Variants in NCEH1 observed in about 807,000 individuals in gnomAD.
NCEH1 encodes neutral cholesterol ester hydrolase 1.
A neutral mutation model predicts 25.4 loss-of-function variants in NCEH1; 9 were observed. The observed-to-expected ratio is 0.35, with a 90% CI of 0.21 to 0.62. NCEH1 has a LOEUF of 0.62. Among genes scored for constraint, NCEH1 ranks in the 20% least tolerant of loss-of-function variants. The pLI, the probability that NCEH1 is intolerant of heterozygous loss-of-function variation, is 0.72. For synonymous variants in NCEH1, 200 were observed against 199.8 expected (o/e 1.00, Z -0.01); for missense variants, 412 against 501.1 (o/e 0.82, Z 1.70).
intron 2 of NCEH1, among the ~76,000 whole-genome samples, chr3:172,647,561 A>G (rs1345868954): frequency 6.6e-6 from 1 of 152,254 alleles, no homozygotes; most frequent in Non-Finnish European, 1.5e-5. Context: ...AGAAAGCTGT[A>G]TCAGCACTGC....
intron 1 of NCEH1, among the ~76,000 whole-genome samples, chr3:172,680,387 G>GA (rs1252668200): frequency 6.6e-6 from 1 of 152,126 alleles, no homozygotes; most frequent in Non-Finnish European, 1.5e-5. Flanking sequence ...CCACCTCTGT[G>GA]AAGCCCCCCT....
At chr3:172,662,187 A>C (rs1332666104) in intron 1 of NCEH1, among the ~76,000 whole-genome samples, 1 of 152,152 alleles carries the variant, frequency 6.6e-6, no homozygotes, top group East Asian at 1.9e-4. Flanking sequence ...AAGGCTGTTG[A>C]ATTTTGTCAA....
chr3:172,708,088 C>T (rs1714106624), intron 1 of NCEH1, among the ~76,000 whole-genome samples: 1 of 151,980 alleles, frequency 6.6e-6, no homozygotes. Context: ...TATGGGGAAC[C>T]CCAAGGAAAA....
intron 1 of NCEH1, among the ~76,000 whole-genome samples, chr3:172,650,541 T>C (rs1577060100): frequency 1.3e-5 from 2 of 148,866 alleles, no homozygotes; most frequent in African/African-American, 2.5e-5. Context: ...CCCAGCTACT[T>C]GGGAGGCTGA....
In NCEH1 at chr3:172,630,526, AGCT is replaced by A. The variant is rs1431036742; in HGVS notation, c.*2946_*2948del. ...TGAACCACCTCTCTAAAGGAAAGAC[AGCT>A]GGAGTACTCCACTGGGCAGAAGATT... is the stretch of plus-strand genomic sequence containing the variant. On this transcript the variant is annotated 3_prime_UTR_variant, in exon 5 of 5. Coordinates refer to ENST00000475381, the MANE Select transcript of NCEH1 (RefSeq NM_020792.6). 6.6e-6 allele frequency: 1 copy of A among 152,296 alleles called. No individual in the cohort carries two copies. The highest frequency in any genetic ancestry group is 6.5e-5 in the Admixed American group (1 of 15,286). 9.4% of individuals were successfully genotyped at this position (152,296 alleles called of 1,614,324 possible). A position where few individuals can be genotyped will look rare whatever the true frequency, so the allele number is the denominator to read the frequency against.
chr3:172,654,670 T>C (rs545938296), intron 1 of NCEH1, among the ~76,000 whole-genome samples: 1 of 152,198 alleles, frequency 6.6e-6, no homozygotes, highest in Admixed American at 6.5e-5. Flanking sequence ...CCCATACACA[T>C]CAATGACTTC....
intron 2 of NCEH1, 157 bp downstream of exon 2, chr3:172,647,728 AG>A: frequency 1.2e-6 from 1 of 861,390 alleles, no homozygotes; most frequent in East Asian, 2.7e-5. Flanking sequence ...AGGGGGCACT[AG>A]TCATAATTTT....
chr3:172,667,777 T>C (rs1718292439), intron 1 of NCEH1, among the ~76,000 whole-genome samples: 1 of 152,164 alleles, frequency 6.6e-6, no homozygotes, highest in African/African-American at 2.4e-5. Context: ...AACACTTCCT[T>C]AACCTAAGGA....
chr3:172,696,875 C>T (rs184607421), intron 1 of NCEH1, among the ~76,000 whole-genome samples: 1 of 152,250 alleles, frequency 6.6e-6, no homozygotes, highest in African/African-American at 2.4e-5. Context: ...CTGATTAACT[C>T]TGTTAAACTT....
At chr3:172,640,092 C>T (rs946914822) in intron 3 of NCEH1, among the ~76,000 whole-genome samples, 1 of 152,202 alleles carries the variant, frequency 6.6e-6, no homozygotes, top group Admixed American at 6.5e-5. Flanking sequence ...AAGCCATATG[C>T]ACAACCTTCT....
chr3:172,671,686 A>G (rs1711637972), intron 1 of NCEH1, among the ~76,000 whole-genome samples: 1 of 152,120 alleles, frequency 6.6e-6, no homozygotes, highest in African/African-American at 2.4e-5. Context: ...TACTTGTTAC[A>G]TATATAATTA....
At chr3:172,708,154 T>C (rs1462921372) in intron 1 of NCEH1, among the ~76,000 whole-genome samples, 1 of 152,028 alleles carries the variant, frequency 6.6e-6, no homozygotes, top group Admixed American at 6.6e-5. Context: ...ATAAAGGACA[T>C]AAAAAATGCT....
chr3:172,708,136 T>G (rs1486591235), intron 1 of NCEH1, among the ~76,000 whole-genome samples: 3 of 115,968 alleles, frequency 2.6e-5, no homozygotes, highest in African/African-American at 5.1e-5. Context: ...TCTGACTCAC[T>G]GCACAAGATA....
intron 1 of NCEH1, among the ~76,000 whole-genome samples, chr3:172,707,838 G>A (rs1468499384): frequency 1.3e-5 from 2 of 152,100 alleles, no homozygotes; most frequent in Admixed American, 6.6e-5. Context: ...CGCCCGCCTC[G>A]GCCTCCCAAA....
In NCEH1 at chr3:172,647,962, G is replaced by T; in HGVS notation, c.291C>A (p.Gly97=). 6.2e-7 allele frequency: 1 copy of T among 1,614,176 alleles called. No individual in the cohort carries two copies. Among genetic ancestry groups the T allele is most frequent in the Non-Finnish European group, 8.5e-7 (1 of 1,180,034 alleles). The change falls in exon 2 of 5, where the codon GGC becomes GGA. Residue 97 remains glycine (G), a synonymous_variant. Coordinates refer to ENST00000475381, the MANE Select transcript of NCEH1 (RefSeq NM_020792.6). ...FDGVEVRVFE[G]PPKPEEPLKR... is the part of the protein sequence containing the mutation. ...TCAGTGGCTCTTCGGGCTTCGGAGG[G>T]CCTTCAAACACTCTGACTTCCACAC...
chr3:172,674,397 C>T (rs927269588), intron 1 of NCEH1, among the ~76,000 whole-genome samples: 2 of 146,020 alleles, frequency 1.4e-5, no homozygotes, highest in East Asian at 2.0e-4. Flanking sequence ...GAGTGGAGAT[C>T]GCGCCACTGC....
intron 1 of NCEH1, among the ~76,000 whole-genome samples, chr3:172,681,807 T>A (rs1233461092): frequency 6.6e-6 from 1 of 150,976 alleles, no homozygotes; most frequent in African/African-American, 2.4e-5. Flanking sequence ...CTCAGGATGC[T>A]GAGGCAGGAG....
At chr3:172,658,994 C>A (rs1231807093) in intron 1 of NCEH1, among the ~76,000 whole-genome samples, 2 of 152,018 alleles carry the variant, frequency 1.3e-5, no homozygotes, top group African/African-American at 4.8e-5. Context: ...TTGCTCTCTG[C>A]TAGTCACTGT....
intron 1 of NCEH1, among the ~76,000 whole-genome samples, chr3:172,657,515 C>T (rs531633770): frequency 3.3e-5 from 5 of 152,258 alleles, no homozygotes; most frequent in African/African-American, 1.2e-4. Context: ...CAAGTTCTAC[C>T]CCAGCTCCAC....
Sources: gnomAD v4.1 joint callset for allele counts (sites outside exome capture counted in the v4.1 genomes callset) on GRCh38, gnomAD v4.1.1 for gene constraint, MANE v1.5 for transcripts, NCBI Gene and HGNC (gene_info 2026-07-23, HGNC 2026-07-21) for gene names.